DCUN1D4: variants seen among roughly 807,000 people sequenced by gnomAD.
The protein encoded by DCUN1D4 is defective in cullin neddylation 1 domain containing 4.
DCUN1D4 carries 22 observed loss-of-function variants against 47.9 expected under a neutral mutation model. The ratio of observed to expected loss-of-function variants is 0.46; its 90% CI spans 0.33 to 0.66. DCUN1D4 has a LOEUF of 0.66. Ranked by LOEUF, DCUN1D4 falls within the 30% of genes least tolerant of loss-of-function variation. The pLI, the probability that DCUN1D4 is intolerant of heterozygous loss-of-function variation, is 0.02. For missense variants in DCUN1D4, 301 were observed against 340.8 expected (o/e 0.88, Z 0.92); for synonymous variants, 121 against 112.2 (o/e 1.08, Z -0.50).
intron 1 of DCUN1D4, among the ~76,000 whole-genome samples, chr4:51,858,659 G>A (rs985419019): frequency 3.3e-5 from 5 of 152,182 alleles, no homozygotes; most frequent in South Asian, 2.1e-4. Flanking sequence ...GTATTTATAC[G>A]TATATGTTTA....
At position 51,895,552 on chromosome 4, in the gene DCUN1D4, T is replaced by C. The variant is rs531348802; in HGVS notation, c.506+3701T>C. Among the ~76,000 whole-genome samples the C allele has an allele frequency of 7.0e-4, 67 of 95,410 alleles. 1 individual carries two copies. In the South Asian group the frequency reaches 0.028, roughly 40 times the overall value. The allele number at this position is 95,410 out of a possible 152,430, so 62.6% of individuals were successfully genotyped here. ...TGATGAATTAAGCTAATTGTGGTGC[T>C]TAAACTTAAAAAAAAAAAAAAAAAA... On this transcript the variant is annotated intron_variant, in intron 7 of 10. Coordinates refer to ENST00000334635, the MANE Select transcript of DCUN1D4 (RefSeq NM_001040402.3).
At chr4:51,844,315 G>C (rs1481392714) in intron 1 of DCUN1D4, 3 of 984,354 alleles carry the variant, frequency 3.0e-6, no homozygotes, top group African/African-American at 3.5e-5. Flanking sequence ...GGAGAGAGGA[G>C]GGGGCGGGGC....
chr4:51,903,139 C>A (rs1015815513), intron 8 of DCUN1D4, among the ~76,000 whole-genome samples: 2 of 152,132 alleles, frequency 1.3e-5, no homozygotes, highest in East Asian at 1.9e-4. Flanking sequence ...CTCCTTATTT[C>A]TTTTGTGTAG....
At chr4:51,870,514 T>C (rs922913734) in intron 3 of DCUN1D4, among the ~76,000 whole-genome samples, 1 of 152,176 alleles carries the variant, frequency 6.6e-6, no homozygotes, top group South Asian at 2.1e-4. Flanking sequence ...CTTTTTTTTT[T>C]TTTAGAAGAA....
intron 4 of DCUN1D4, chr4:51,874,927 C>T (rs773445848): frequency 2.0e-5 from 3 of 152,318 alleles, no homozygotes; most frequent in African/African-American, 4.8e-5. Context: ...CTGTTAGATT[C>T]GTTTATTTCA....
intron 1 of DCUN1D4, among the ~76,000 whole-genome samples, chr4:51,846,008 G>A (rs1722488863): frequency 6.6e-6 from 1 of 152,190 alleles, no homozygotes; most frequent in African/African-American, 2.4e-5. Flanking sequence ...GTAAAGTGAT[G>A]AGGTTGAAAA....
chr4:51,863,536 C>G, intron 2 of DCUN1D4, 29 bp downstream of exon 2: 1 of 1,595,294 alleles, frequency 6.3e-7, no homozygotes, highest in Non-Finnish European at 8.6e-7. Flanking sequence ...GACAAAATTA[C>G]CAACTGTTTG....
intron 1 of DCUN1D4, among the ~76,000 whole-genome samples, chr4:51,859,354 G>A (rs915585236): frequency 6.6e-6 from 1 of 151,888 alleles, no homozygotes; most frequent in Non-Finnish European, 1.5e-5. Flanking sequence ...GTTATATTTT[G>A]CAAGTGACTA....
In DCUN1D4 at chr4:51,863,685, A is replaced by G. The variant is rs778637100; in HGVS notation, c.112A>G (p.Ile38Val). Residue 38 changes from isoleucine to valine, a missense_variant, in exon 3 of 11, where the codon ATT becomes GTT. Physicochemically the swap from Ile to Val is conservative, Grantham distance 29. Transcript: ENST00000334635. ...TLNKLNLTED[I>V]GQDDHQTGSL... is the part of the protein sequence containing the mutation. ...TTTCTTTCAGAACCTAACAGAAGAC[A>G]TTGGCCAAGACGATCACCAAACAGG... is the stretch of plus-strand genomic sequence containing the variant. 2 of 1,613,294 alleles carry G rather than the reference A, an allele frequency of 1.2e-6. No homozygotes were observed. The highest frequency in any genetic ancestry group is 1.3e-5 in the African/African-American group (1 of 74,922).
chr4:51,853,242 G>GC, intron 1 of DCUN1D4, among the ~76,000 whole-genome samples: 1 of 152,322 alleles, frequency 6.6e-6, no homozygotes, highest in East Asian at 1.9e-4. Context: ...AAAGCCAGCA[G>GC]CAATATGCTT....
chr4:51,904,117 G>A (rs1223662649), intron 8 of DCUN1D4, among the ~76,000 whole-genome samples: 2 of 151,934 alleles, frequency 1.3e-5, no homozygotes, highest in South Asian at 2.1e-4. Flanking sequence ...CCTTTAGATA[G>A]CGTTGAGTTT....
chr4:51,891,156 C>G (rs759490407), intron 6 of DCUN1D4, among the ~76,000 whole-genome samples: 16 of 152,342 alleles, frequency 1.1e-4, no homozygotes, highest in African/African-American at 2.4e-4. Context: ...CCCTGTCCAC[C>G]TTGTTATGTT....
chr4:51,856,039 C>T (rs1409710515), intron 1 of DCUN1D4, among the ~76,000 whole-genome samples: 1 of 152,182 alleles, frequency 6.6e-6, no homozygotes, highest in Non-Finnish European at 1.5e-5. Context: ...CCTGATGAAT[C>T]CCAGTTAGAG....
In DCUN1D4 at chr4:51,888,970, G is replaced by A. The variant is rs1365433010; in HGVS notation, c.414+2332G>A. ...AATAAAATACCAAAATTAGCCGGGC[G>A]TAGTGATGTGCGCTAGTAATCCCAG... On this transcript the variant is annotated intron_variant, in intron 6 of 10. Coordinates refer to ENST00000334635, the MANE Select transcript of DCUN1D4 (RefSeq NM_001040402.3). Among the ~76,000 whole-genome samples the A allele has an allele frequency of 7.3e-5, 11 of 151,596 alleles. No individual in the cohort carries two copies. The East Asian group carries it at 1.2e-3, about 16-fold the overall frequency.
chr4:51,904,421 C>T (rs564169356), intron 8 of DCUN1D4, among the ~76,000 whole-genome samples: 76 of 152,294 alleles, frequency 5.0e-4, no homozygotes, highest in African/African-American at 1.8e-3. Context: ...AAGGAGACCA[C>T]TCTGGAGACC....
chr4:51,902,856 C>CT (rs899929718), intron 8 of DCUN1D4, among the ~76,000 whole-genome samples: 4 of 151,984 alleles, frequency 2.6e-5, no homozygotes, highest in Admixed American at 6.5e-5. Flanking sequence ...GCCTTATTAA[C>CT]TTTTTTTTCC....
At chr4:51,909,215 T>C (rs1322821944) in intron 8 of DCUN1D4, among the ~76,000 whole-genome samples, 1 of 152,172 alleles carries the variant, frequency 6.6e-6, no homozygotes, top group Non-Finnish European at 1.5e-5. Context: ...AGGCACAATA[T>C]ATATCACAGC....
chr4:51,853,337 G>GCA (rs1050375925), intron 1 of DCUN1D4, among the ~76,000 whole-genome samples: 1 of 152,150 alleles, frequency 6.6e-6, no homozygotes, highest in Non-Finnish European at 1.5e-5. Flanking sequence ...TTCTCCTTTG[G>GCA]CTTTTGTGCC....
At chr4:51,844,796 C>A (rs1722250193) in intron 1 of DCUN1D4, 1 of 983,320 alleles carries the variant, frequency 1.0e-6, no homozygotes, top group African/African-American at 1.7e-5. Flanking sequence ...TAGTCGCGGC[C>A]GCGCCCGGCC....
Sources: allele counts gnomAD v4.1 joint callset (sites outside exome capture counted in the v4.1 genomes callset), GRCh38; gene constraint gnomAD v4.1.1; transcripts MANE v1.5; gene names NCBI Gene and HGNC (gene_info 2026-07-23, HGNC 2026-07-21).